Variants in ENOPH1 observed in about 807,000 individuals in gnomAD.
The protein encoded by ENOPH1 is enolase-phosphatase E1.
In ENOPH1, 14 loss-of-function variants were observed where a neutral mutation model predicts 31.1. The observed-to-expected ratio is 0.45, with a 90% CI of 0.30 to 0.70. The LOEUF is 0.70. ENOPH1 is among the 30% of genes least tolerant of loss of function. The pLI, the probability that ENOPH1 is intolerant of heterozygous loss-of-function variation, is 0.09. For synonymous variants in ENOPH1, 127 were observed against 123.2 expected (o/e 1.03, Z -0.21); for missense variants, 243 against 321.5 (o/e 0.76, Z 1.87).
intron 1 of ENOPH1, among the ~76,000 whole-genome samples, chr4:82,445,238 A>G (rs1023124078): frequency 3.9e-5 from 6 of 152,118 alleles, no homozygotes; most frequent in Non-Finnish European, 8.8e-5. Flanking sequence ...CAAAAAAGAA[A>G]AAAAAAATTC....
At chr4:82,459,629 C>T (rs562718899) in intron 5 of ENOPH1, among the ~76,000 whole-genome samples, 3 of 152,106 alleles carry the variant, frequency 2.0e-5, no homozygotes, top group South Asian at 4.2e-4. Flanking sequence ...GCTCAGTTCT[C>T]GGTATGGGCT....
At chr4:82,432,644 C>CGTTTTGTTTTGTTTTGTTTT (rs57944208) in intron 1 of ENOPH1, among the ~76,000 whole-genome samples, 8,209 of 151,290 alleles carry the variant, frequency 0.054, 259 homozygotes, top group Admixed American at 0.077. Context: ...CTCTTCCCCA[C>CGTTTTGTTTTGTTTTGTTTT]GTTTTGTTTT....
At chr4:82,436,554 G>C (rs896280440) in intron 1 of ENOPH1, among the ~76,000 whole-genome samples, 1 of 151,904 alleles carries the variant, frequency 6.6e-6, no homozygotes, top group Non-Finnish European at 1.5e-5. Flanking sequence ...AGGTGTAGTG[G>C]CATGTGCCTG....
chr4:82,430,640 C>T lies in ENOPH1; in HGVS notation c.-190C>T. On this transcript the variant is annotated 5_prime_UTR_variant, in exon 1 of 6. Transcript: ENST00000273920. Reference sequence around the variant, plus strand: ...TCACGAGTTCAGGGCTCCTGGGCGGCCGCCTTTTCCAGTTCCAGGTGTGCA... The same window carrying T: ...TCACGAGTTCAGGGCTCCTGGGCGGTCGCCTTTTCCAGTTCCAGGTGTGCA... The T allele has an allele frequency of 1.7e-6, 1 of 579,146 alleles. No homozygotes were observed. Among genetic ancestry groups the T allele is most frequent in the African/African-American group, 1.9e-5 (1 of 52,364 alleles). 35.9% of individuals were successfully genotyped at this position (579,146 alleles called of 1,614,324 possible).
intron 1 of ENOPH1, among the ~76,000 whole-genome samples, chr4:82,444,345 C>T (rs887891098): frequency 4.6e-5 from 7 of 152,044 alleles, no homozygotes; most frequent in African/African-American, 1.7e-4. Context: ...TCTCAGCCTC[C>T]GGAGTAGCTG....
intron 1 of ENOPH1, among the ~76,000 whole-genome samples, chr4:82,444,655 C>A (rs1386167231): frequency 1.3e-5 from 2 of 152,160 alleles, no homozygotes; most frequent in Non-Finnish European, 2.9e-5. Context: ...AGTAAGCGAT[C>A]ACTGAGCTTT....
chr4:82,454,642 CAT>C (rs981633176), intron 3 of ENOPH1, 78 bp from the exon 4 acceptor site: 10 of 1,480,480 alleles, frequency 6.8e-6, no homozygotes, highest in African/African-American at 2.8e-5. Flanking sequence ...AAGAGAGAAA[CAT>C]ATGGCATCTG....
intron 1 of ENOPH1, among the ~76,000 whole-genome samples, chr4:82,432,476 C>G (rs1721797453): frequency 6.6e-6 from 1 of 152,172 alleles, no homozygotes; most frequent in Non-Finnish European, 1.5e-5. Flanking sequence ...TCTCCAGTAG[C>G]TGGGATTACA....
intron 5 of ENOPH1, among the ~76,000 whole-genome samples, chr4:82,459,013 G>A (rs1422094875): frequency 6.6e-6 from 1 of 152,150 alleles, no homozygotes; most frequent in Non-Finnish European, 1.5e-5. Flanking sequence ...CTGTTCAGGT[G>A]CTGTGACTCT....
rs1721703239 is a variant in ENOPH1 at position 82,430,598 on chromosome 4, C to T, written c.-232C>T. On this transcript the variant is annotated 5_prime_UTR_variant, in exon 1 of 6. Coordinates refer to ENST00000273920, the MANE Select transcript of ENOPH1 (RefSeq NM_021204.5). ...CTTTTCCTGCCCACGTGGTCTCGGG[C>T]TCCTGCCCCGTCCTGCTCACGAGTT... The T allele has an allele frequency of 1.9e-6, 1 of 519,736 alleles. No individual in the cohort carries two copies. Among genetic ancestry groups the T allele is most frequent in the Non-Finnish European group, 3.4e-6 (1 of 291,492 alleles). The allele number at this position is 519,736 out of a possible 1,614,324, so 32.2% of individuals were successfully genotyped here. A position where few individuals can be genotyped will look rare whatever the true frequency, so the allele number is the denominator to read the frequency against.
At position 82,460,406 on chromosome 4, in the gene ENOPH1, A is replaced by G. The variant is rs540662196; in HGVS notation, c.*286A>G. On this transcript the variant is annotated 3_prime_UTR_variant, in exon 6 of 6. Transcript: ENST00000273920. ...AGTGTAGTTGGTAGAAGAAATTGCT[A>G]AATACCTATCTAATGTGCTATGTTT... 4.1e-6 allele frequency: 1 copy of G among 245,350 alleles called. No homozygotes were observed. Among genetic ancestry groups the G allele is most frequent in the African/African-American group, 2.2e-5 (1 of 44,952 alleles). The allele number at this position is 245,350 out of a possible 1,614,324, so 15.2% of individuals were successfully genotyped here. A position where few individuals can be genotyped will look rare whatever the true frequency, so the allele number is the denominator to read the frequency against.
chr4:82,439,330 G>C (rs1382221524), intron 1 of ENOPH1, among the ~76,000 whole-genome samples: 1 of 152,172 alleles, frequency 6.6e-6, no homozygotes, highest in East Asian at 1.9e-4. Context: ...AGAAACTAAG[G>C]CATGCGGTTT....
chr4:82,460,288 A>G lies in ENOPH1; in HGVS notation c.*168A>G. 1.7e-6 allele frequency: 1 copy of G among 582,244 alleles called. No homozygotes were observed. Among genetic ancestry groups the G allele is most frequent in the Non-Finnish European group, 2.9e-6 (1 of 348,536 alleles). 36.1% of individuals were successfully genotyped at this position (582,244 alleles called of 1,614,324 possible). ...TAACTTCCATAGGTACATAAGTGAA[A>G]GAAGTCTCAGTTCAGTGAACACAAA... On this transcript the variant is annotated 3_prime_UTR_variant, in exon 6 of 6. Transcript: ENST00000273920.
Position 82,460,048 on chromosome 4 carries a change from A to G in ENOPH1, c.714A>G (p.Leu238=), listed in dbSNP as rs777844264. 1 of 1,614,190 alleles carries G rather than the reference A, an allele frequency of 6.2e-7. No homozygotes were observed. The highest frequency in any genetic ancestry group is 1.7e-5 in the Admixed American group (1 of 60,028). The change falls in exon 6 of 6, where the codon TTA becomes TTG. Residue 238 remains leucine, a synonymous_variant. Transcript: ENST00000273920. The part of the protein sequence containing the change: ...AVVVRPGNAG[L]TDDEKTYYSL... ...TGGTGAGACCAGGCAACGCAGGATT[A>G]ACAGATGATGAGAAGACTTACTACA...
intron 3 of ENOPH1, among the ~76,000 whole-genome samples, chr4:82,452,082 AT>A (rs376121846): frequency 0.13 from 18,377 of 141,458 alleles, 1,152 homozygotes; most frequent in Middle Eastern, 0.32. Flanking sequence ...TACCTGGCCT[AT>A]TTTTTTTTTT....
At chr4:82,433,718 C>T (rs980058208) in intron 1 of ENOPH1, among the ~76,000 whole-genome samples, 3 of 152,144 alleles carry the variant, frequency 2.0e-5, no homozygotes, top group Non-Finnish European at 2.9e-5. Flanking sequence ...TCAGAACCTT[C>T]GGTATCATAC....
At chr4:82,448,067 G>T in intron 2 of ENOPH1, 46 bp downstream of exon 2, 1 of 1,340,624 alleles carries the variant, frequency 7.5e-7, no homozygotes, top group South Asian at 1.2e-5. Context: ...TAGAAATGAG[G>T]GTACCTGGAG....
intron 1 of ENOPH1, among the ~76,000 whole-genome samples, chr4:82,442,320 G>A (rs1040155090): frequency 6.6e-6 from 1 of 152,150 alleles, no homozygotes; most frequent in East Asian, 1.9e-4. Flanking sequence ...AGGAGTTCGA[G>A]ACCAGCCTGG....
rs778193752 is a variant in ENOPH1 at position 82,451,232 on chromosome 4, C to T, written c.376C>T (p.Arg126Cys). The T allele has an allele frequency of 3.9e-5, 63 of 1,614,026 alleles. 1 individual carries two copies. The highest frequency in any genetic ancestry group is 1.6e-4 in the South Asian group (15 of 91,078). ...HMWRAAFTAG[R>C]MKAEFFADVV... is the part of the protein sequence containing the mutation. ...GTGGAGGGCGGCATTCACAGCTGGG[C>T]GCATGAAAGCAGAGTATGTGCTTGA... The change falls in exon 3 of 6, where the codon CGC becomes TGC. Residue 126 changes from arginine (R) to cysteine (C), a missense_variant. Transcript: ENST00000273920.
Sources: gnomAD v4.1 joint callset for allele counts (sites outside exome capture counted in the v4.1 genomes callset) on GRCh38, gnomAD v4.1.1 for gene constraint, MANE v1.5 for transcripts, NCBI Gene and HGNC (gene_info 2026-07-23, HGNC 2026-07-21) for gene names.